Variants in SPOCK1 observed in about 807,000 individuals in gnomAD.
The protein encoded by SPOCK1 is SPARC (osteonectin), cwcv and kazal like domains proteoglycan 1, also known as testican-1.
A neutral mutation model predicts 55.3 loss-of-function variants in SPOCK1; 23 were observed. That is an observed-to-expected ratio of 0.42 (90% confidence interval 0.30 to 0.59). SPOCK1 has a LOEUF of 0.59. SPOCK1 is among the 20% of genes least tolerant of loss of function. The pLI, the probability that SPOCK1 is intolerant of heterozygous loss-of-function variation, is 0.22. For synonymous variants in SPOCK1, 226 were observed against 221.0 expected (o/e 1.02, Z -0.20); for missense variants, 499 against 552.5 (o/e 0.90, Z 0.97).
chr5:137,199,673 T>C (rs1216283216), intron 3 of SPOCK1, among the ~76,000 whole-genome samples: 3 of 152,184 alleles, frequency 2.0e-5, no homozygotes, highest in Non-Finnish European at 2.9e-5. Flanking sequence ...TGTCTTCTCA[T>C]TTTTCCAACT....
chr5:137,049,005 G>C (rs1309167551), intron 6 of SPOCK1, among the ~76,000 whole-genome samples: 1 of 138,318 alleles, frequency 7.2e-6, no homozygotes, highest in Admixed American at 7.5e-5. Context: ...TCTGCCGAGA[G>C]ATCCGCTGTT....
chr5:137,206,345 C>CACCCACGCT (rs1561471347), intron 3 of SPOCK1, among the ~76,000 whole-genome samples: 1 of 152,260 alleles, frequency 6.6e-6, no homozygotes, highest in Non-Finnish European at 1.5e-5. Flanking sequence ...CCTCCTAGGC[C>CACCCACGCT]ACCCACGCTG....
chr5:137,039,270 C>CTTCTTTTTTTTT (rs1751943520), intron 6 of SPOCK1, among the ~76,000 whole-genome samples: 1 of 88,900 alleles, frequency 1.1e-5, no homozygotes, highest in African/African-American at 3.7e-5. Flanking sequence ...GCCTGCCACA[C>CTTCTTTTTTTTT]TTTTTTTTTT....
Position 137,273,737 on chromosome 5 carries a change from T to C in SPOCK1, c.187-6682A>G, listed in dbSNP as rs145060760. Reference sequence around the variant, plus strand: ...ATCCACAAGAATTTCAAATGAGTAATTGCCTGTGACATTGGTCCAAAGGGT... The same window carrying C: ...ATCCACAAGAATTTCAAATGAGTAACTGCCTGTGACATTGGTCCAAAGGGT... On this transcript the variant is annotated intron_variant, in intron 2 of 10. Transcript: ENST00000394945. Among the ~76,000 whole-genome samples the C allele has an allele frequency of 1.1e-3, 169 of 152,272 alleles. 3 individuals are homozygous for C. In the Middle Eastern group the frequency reaches 0.014, roughly 12 times the overall value.
At chr5:137,476,878 T>C (rs1363579348) in intron 2 of SPOCK1, among the ~76,000 whole-genome samples, 1 of 152,096 alleles carries the variant, frequency 6.6e-6, no homozygotes, top group Non-Finnish European at 1.5e-5. Context: ...TGAGCTGGGA[T>C]TGTGGCACTG....
chr5:136,979,561 CAG>C, intron 9 of SPOCK1, 92 bp from the exon 10 acceptor site: 1 of 1,479,924 alleles, frequency 6.8e-7, no homozygotes. Flanking sequence ...GCTCACATGT[CAG>C]AATATCTGCT....
At chr5:137,136,735 C>G (rs1470158273) in intron 4 of SPOCK1, among the ~76,000 whole-genome samples, 1 of 152,140 alleles carries the variant, frequency 6.6e-6, no homozygotes, top group Non-Finnish European at 1.5e-5. Context: ...CTTCCTGACT[C>G]CCAGCTGTCT....
At chr5:137,149,958 G>C (rs926000660) in intron 3 of SPOCK1, among the ~76,000 whole-genome samples, 5 of 152,178 alleles carry the variant, frequency 3.3e-5, no homozygotes, top group African/African-American at 1.2e-4. Context: ...GATCTGATGG[G>C]ATAACACATG....
chr5:137,159,703 G>A (rs144922816), intron 3 of SPOCK1, among the ~76,000 whole-genome samples: 92 of 152,058 alleles, frequency 6.1e-4, no homozygotes, highest in African/African-American at 1.8e-3. Flanking sequence ...AGTATTCTAC[G>A]GTGTATATAT....
Position 136,978,703 on chromosome 5 carries a change from T to C in SPOCK1, c.1271A>G (p.Asp424Gly). 1 of 1,613,886 alleles carries C rather than the reference T, an allele frequency of 6.2e-7. No homozygotes were observed. Among genetic ancestry groups the C allele is most frequent in the South Asian group, 1.1e-5 (1 of 91,058 alleles). Residue 424 changes from aspartate to glycine, a missense_variant, in exon 11 of 11, where the codon GAT becomes GGT. By Grantham distance (94) the Asp-to-Gly change is moderately conservative. This residue lies in a region of SPOCK1 where 83 missense variants were observed against 87.5 expected (regional missense o/e 0.95). Coordinates refer to ENST00000394945, the MANE Select transcript of SPOCK1 (RefSeq NM_004598.4). ...RVHTRAVTED[D>G]EDEDDDKEDE... ...CTCTTTGTCATCATCCTCATCCTCATCATCCTCTGTCACGGCTCGGGTGTG... is the reference window on the plus strand; with the variant it reads ...CTCTTTGTCATCATCCTCATCCTCACCATCCTCTGTCACGGCTCGGGTGTG...
At chr5:137,141,336 G>C (rs1000059639) in intron 3 of SPOCK1, among the ~76,000 whole-genome samples, 6 of 152,214 alleles carry the variant, frequency 3.9e-5, no homozygotes, top group African/African-American at 1.4e-4. Context: ...CTTTGGTTAT[G>C]AATCTGGTGT....
chr5:137,352,750 C>T (rs1230727561), intron 2 of SPOCK1, among the ~76,000 whole-genome samples: 1 of 152,150 alleles, frequency 6.6e-6, no homozygotes, highest in East Asian at 1.9e-4. Context: ...ACCATGCAGT[C>T]ATAGACCTTG....
chr5:137,352,091 T>C (rs1750692831), intron 2 of SPOCK1, among the ~76,000 whole-genome samples: 1 of 152,220 alleles, frequency 6.6e-6, no homozygotes, highest in Admixed American at 6.5e-5. Context: ...GGAGCAAGTG[T>C]CTTAACTTCT....
intron 2 of SPOCK1, among the ~76,000 whole-genome samples, chr5:137,302,348 T>C (rs1757609591): frequency 6.6e-6 from 1 of 150,440 alleles, no homozygotes; most frequent in South Asian, 2.1e-4. Context: ...GGCGGGCAGA[T>C]CACAAGGTCA....
At chr5:137,085,439 A>C (rs1752945367) in intron 5 of SPOCK1, among the ~76,000 whole-genome samples, 1 of 152,212 alleles carries the variant, frequency 6.6e-6, no homozygotes. Flanking sequence ...ATCTGCACAG[A>C]GAGCTTCTGG....
At chr5:137,483,519 A>C (rs1257980156) in intron 2 of SPOCK1, among the ~76,000 whole-genome samples, 1 of 152,158 alleles carries the variant, frequency 6.6e-6, no homozygotes, top group East Asian at 1.9e-4. Flanking sequence ...TACCTGGCAC[A>C]TGTATTTCTC....
At chr5:137,281,899 G>T in intron 2 of SPOCK1, among the ~76,000 whole-genome samples, 1 of 152,132 alleles carries the variant, frequency 6.6e-6, no homozygotes, top group East Asian at 1.9e-4. Context: ...TAAAATTAAC[G>T]GTTCTGTTTC....
At chr5:137,359,662 T>C (rs1358409732) in intron 2 of SPOCK1, among the ~76,000 whole-genome samples, 2 of 152,252 alleles carry the variant, frequency 1.3e-5, no homozygotes, top group East Asian at 3.8e-4. Context: ...AAGTCATTTT[T>C]ACTTTTTTAT....
intron 2 of SPOCK1, among the ~76,000 whole-genome samples, chr5:137,476,838 T>A (rs1334926680): frequency 6.6e-6 from 1 of 152,082 alleles, no homozygotes; most frequent in African/African-American, 2.4e-5. Flanking sequence ...GGTGGAAGGA[T>A]CGCTTGAACC....
Sources: allele counts gnomAD v4.1 joint callset (sites outside exome capture counted in the v4.1 genomes callset), GRCh38; gene constraint gnomAD v4.1.1; regional missense constraint gnomAD v4.1.1; transcripts MANE v1.5; gene names NCBI Gene and HGNC (gene_info 2026-07-23, HGNC 2026-07-21).